B3GNT4: variants seen among roughly 807,000 people sequenced by gnomAD.
B3GNT4 encodes the protein UDP-GlcNAc:betaGal beta-1,3-N-acetylglucosaminyltransferase 4, also known as N-acetyllactosaminide beta-1,3-N-acetylglucosaminyltransferase 4.
Under a neutral mutation model 2.7 loss-of-function variants are expected in B3GNT4, and 2 were observed. The ratio of observed to expected loss-of-function variants is 0.73; its 90% CI spans 0.30 to 2.31. The LOEUF (loss-of-function observed/expected upper bound fraction) is 2.31. Among genes scored for constraint, B3GNT4 ranks in the 30% most tolerant of loss-of-function variants. B3GNT4 has a pLI of 0.12. For missense variants in B3GNT4, 708 were observed against 490.9 expected, an observed-to-expected ratio of 1.44 and a Z score of -4.18; for synonymous variants, 280 against 203.4, an observed-to-expected ratio of 1.38 and a Z score of -3.20.
At position 122,207,846 on chromosome 12, in the gene B3GNT4, TAG is replaced by T. The variant is rs1280925120; in HGVS notation, c.*459_*460del. 2.4e-5 allele frequency: 11 copies of T among 460,552 alleles called. No homozygotes were observed. In the East Asian group the frequency reaches 7.6e-4, roughly 32 times the overall value. The allele number at this position is 460,552 out of a possible 1,614,324, so 28.5% of individuals were successfully genotyped here. A position where few individuals can be genotyped will look rare whatever the true frequency, so the allele number is the denominator to read the frequency against. On this transcript the variant is annotated 3_prime_UTR_variant, in exon 3 of 3. Transcript: ENST00000324189. ...TCTGCACCCCTTCTCTTAGTAGTAA[TAG>T]GTTTTTCACTCCTTGGCCTCAGCTG...
rs914002329 is a variant in B3GNT4 at position 122,208,742 on chromosome 12, T to A, written c.*1354T>A. 12 of 740,728 alleles carry A rather than the reference T, an allele frequency of 1.6e-5. No homozygotes were observed. The highest frequency in any genetic ancestry group is 2.4e-5 in the Non-Finnish European group (10 of 421,650). 45.9% of individuals were successfully genotyped at this position (740,728 alleles called of 1,614,324 possible). ...TGCAAAGAAACTTCCACCTCTATGT[T>A]CAGGTCTGGATTTAACTGACACTCT... On this transcript the variant is annotated 3_prime_UTR_variant, in exon 3 of 3. Coordinates refer to ENST00000324189, the MANE Select transcript of B3GNT4 (RefSeq NM_030765.4).
At position 122,207,896 on chromosome 12, in the gene B3GNT4, G is replaced by C; in HGVS notation, c.*508G>C. On this transcript the variant is annotated 3_prime_UTR_variant, in exon 3 of 3. Coordinates refer to ENST00000324189, the MANE Select transcript of B3GNT4 (RefSeq NM_030765.4). ...CTGTCCTCACAGGACAGTGGGGGCA[G>C]ATCAGAGAACACATCAGAAATACAT... 1 of 460,690 alleles carries C rather than the reference G, an allele frequency of 2.2e-6. No homozygotes were observed. The highest frequency in any genetic ancestry group is 1.5e-5 in the South Asian group (1 of 64,530). The allele number at this position is 460,690 out of a possible 1,614,324, so 28.5% of individuals were successfully genotyped here. A position where few individuals can be genotyped will look rare whatever the true frequency, so the allele number is the denominator to read the frequency against.
intron 2 of B3GNT4, 116 bp from the exon 3 acceptor site, chr12:122,206,202 T>C: frequency 2.5e-6 from 2 of 807,224 alleles, no homozygotes. Flanking sequence ...ACGCTGAGAA[T>C]AAAAAGTCCA....
rs149881946 is a variant in B3GNT4 at position 122,207,207 on chromosome 12, C to G, written c.956C>G (p.Pro319Arg). Reference protein sequence around the residue: ...GMCLRRLGLSPMHHAGFKTFG... With the variant: ...GMCLRRLGLSRMHHAGFKTFG... ...TGCCTGAGGCGGCTGGGGCTGAGCCCTATGCACCATGCTGGCTTCAAGACA... is the reference window on the plus strand; with the variant it reads ...TGCCTGAGGCGGCTGGGGCTGAGCCGTATGCACCATGCTGGCTTCAAGACA... Residue 319 changes from proline to arginine, a missense_variant, in exon 3 of 3, where the codon CCT becomes CGT. Transcript: ENST00000324189. The G allele has an allele frequency of 3.7e-6, 6 of 1,614,082 alleles. No homozygotes were observed. Among genetic ancestry groups the G allele is most frequent in the Non-Finnish European group, 5.1e-6 (6 of 1,180,006 alleles).
rs1231934006 is a variant in B3GNT4 at position 122,208,228 on chromosome 12, A to G, written c.*840A>G. On this transcript the variant is annotated 3_prime_UTR_variant, in exon 3 of 3. Transcript: ENST00000324189. The stretch of plus-strand genomic sequence containing the variant: ...GCGCAAGCCTGAGACCACAGGAGGC[A>G]CTCACAGCTCACAAAGGCGTCTCGC... 33 of 860,584 alleles carry G rather than the reference A, an allele frequency of 3.8e-5. No individual in the cohort carries two copies. Among genetic ancestry groups the G allele is most frequent in the Non-Finnish European group, 4.9e-5 (26 of 531,008 alleles). The allele number at this position is 860,584 out of a possible 1,614,324, so 53.3% of individuals were successfully genotyped here. A position where few individuals can be genotyped will look rare whatever the true frequency, so the allele number is the denominator to read the frequency against.
rs569095788 is a variant in B3GNT4 at position 122,206,743 on chromosome 12, C to T, written c.492C>T (p.Ser164=). Residue 164 remains serine, a synonymous_variant, in exon 3 of 3, where the codon TCC becomes TCT. Transcript: ENST00000324189. ...TGTTCCTCCTAGGGGTGGCAGGATCCGCTCCCCCAGCCCAGCTGCTGGCCT... is the reference window on the plus strand; with the variant it reads ...TGTTCCTCCTAGGGGTGGCAGGATCTGCTCCCCCAGCCCAGCTGCTGGCCT... ...KLVFLLGVAG[S]APPAQLLAYE... is the part of the protein sequence containing the mutation. 9.3e-6 allele frequency: 15 copies of T among 1,605,998 alleles called. No homozygotes were observed. In the East Asian group the frequency reaches 1.8e-4, roughly 19 times the overall value.
chr12:122,204,989 C>T, intron 2 of B3GNT4: 1 of 389,124 alleles, frequency 2.6e-6, no homozygotes, highest in East Asian at 6.1e-5. Context: ...ATAATTGTGC[C>T]ACTGCACTAG....
chr12:122,206,306 C>G lies in B3GNT4; in HGVS notation c.67-12C>G. The G allele has an allele frequency of 6.5e-7, 1 of 1,536,840 alleles. No individual in the cohort carries two copies. Among genetic ancestry groups the G allele is most frequent in the Non-Finnish European group, 8.8e-7 (1 of 1,142,796 alleles). The stretch of plus-strand genomic sequence containing the variant: ...GGGGCTGGGCCCTGCTCAGGTGGCT[C>G]TCTCCTTGCAGGGACCGGCGATGCT... On this transcript the variant is annotated splice_polypyrimidine_tract_variant and intron_variant, in intron 2 of 2. Coordinates refer to ENST00000324189, the MANE Select transcript of B3GNT4 (RefSeq NM_030765.4).
rs1272125345 is a variant in B3GNT4 at position 122,208,432 on chromosome 12, T to G, written c.*1044T>G. ...GCTCCGACTCAGCCCGCTCCTCCCC[T>G]TCCTCCTGTGTTTTCTGACGGAGCT... On this transcript the variant is annotated 3_prime_UTR_variant, in exon 3 of 3. Coordinates refer to ENST00000324189, the MANE Select transcript of B3GNT4 (RefSeq NM_030765.4). The G allele has an allele frequency of 1.2e-6, 2 of 1,613,802 alleles. No individual in the cohort carries two copies. Among genetic ancestry groups the G allele is most frequent in the Non-Finnish European group, 1.7e-6 (2 of 1,180,034 alleles).
chr12:122,207,642 C>A lies in B3GNT4; in HGVS notation c.*254C>A. On this transcript the variant is annotated 3_prime_UTR_variant, in exon 3 of 3. Transcript: ENST00000324189. ...CTGCCTGGGGCGCTGCAGTCTGGGA[C>A]CTCAAGGAAGGAGGCTGCATAGGAC... 1.6e-6 allele frequency: 1 copy of A among 639,856 alleles called. No individual in the cohort carries two copies. Among genetic ancestry groups the A allele is most frequent in the Non-Finnish European group, 2.8e-6 (1 of 352,206 alleles). The allele number at this position is 639,856 out of a possible 1,614,324, so 39.6% of individuals were successfully genotyped here.
At position 122,207,874 on chromosome 12, in the gene B3GNT4, T is replaced by TGAAAAA; in HGVS notation, c.*486_*487insGAAAAA. The TGAAAAA allele has an allele frequency of 2.2e-6, 1 of 460,302 alleles. No homozygotes were observed. Among genetic ancestry groups the TGAAAAA allele is most frequent in the Non-Finnish European group, 4.3e-6 (1 of 231,142 alleles). The allele number at this position is 460,302 out of a possible 1,614,324, so 28.5% of individuals were successfully genotyped here. On this transcript the variant is annotated 3_prime_UTR_variant, in exon 3 of 3. Coordinates refer to ENST00000324189, the MANE Select transcript of B3GNT4 (RefSeq NM_030765.4). ...GTTTTTCACTCCTTGGCCTCAGCTG[T>TGAAAAA]CCTCACAGGACAGTGGGGGCAGATC...
rs774327214 is a variant in B3GNT4 at position 122,207,272 on chromosome 12, C to T, written c.1021C>T (p.Leu341=). 8 of 1,614,002 alleles carry T rather than the reference C, an allele frequency of 5.0e-6. No individual in the cohort carries two copies. Among genetic ancestry groups the T allele is most frequent in the Admixed American group, 1.7e-5 (1 of 59,996 alleles). Residue 341 remains leucine (L), a synonymous_variant, in exon 3 of 3, where the codon CTG becomes TTG. Transcript: ENST00000324189. ...GCCCCTGGACCCCTTAGACCCCTGC[C>T]TGTATAGGGGGCTCCTGCTGGTTCA... ...RRPLDPLDPC[L]YRGLLLVHRL... is the part of the protein sequence containing the mutation.
rs144265607 is a variant in B3GNT4 at position 122,207,053 on chromosome 12, A to G, written c.802A>G (p.Arg268Gly). The G allele has an allele frequency of 5.7e-5, 92 of 1,613,836 alleles. No homozygotes were observed. In the African/African-American group the frequency reaches 1.1e-3, roughly 19 times the overall value. The change falls in exon 3 of 3, where the codon AGG (arginine) becomes GGG (glycine). Residue 268 changes from arginine to glycine, a missense_variant. Arg to Gly is a moderately radical substitution (Grantham distance 125). Transcript: ENST00000324189. The stretch of plus-strand genomic sequence containing the variant: ...ATACTTCATCCCACCCTCAATGTAC[A>G]GGGCCACCCACTACCCACCCTATGC... The part of the protein sequence containing the change: ...VKYFIPPSMY[R>G]ATHYPPYAGG...
rs1953992658 is a variant in B3GNT4, at chr12:122,208,519, C to T, written c.*1131C>T. 6.2e-7 allele frequency: 1 copy of T among 1,613,966 alleles called. No individual in the cohort carries two copies. The highest frequency in any genetic ancestry group is 8.5e-7 in the Non-Finnish European group (1 of 1,180,038). On this transcript the variant is annotated 3_prime_UTR_variant, in exon 3 of 3. Transcript: ENST00000324189. Reference sequence around the variant, plus strand: ...TCCGGGAGAGCTGGTGCACCTCTTCCACCTGCAGTTTCACCAGCTGAATGT... The same window carrying T: ...TCCGGGAGAGCTGGTGCACCTCTTCTACCTGCAGTTTCACCAGCTGAATGT...
Position 122,207,417 on chromosome 12 carries a change from G to A in B3GNT4, c.*29G>A. 1 of 1,506,416 alleles carries A rather than the reference G, an allele frequency of 6.6e-7. No homozygotes were observed. The allele number at this position is 1,506,416 out of a possible 1,614,324, so 93.3% of individuals were successfully genotyped here. A position where few individuals can be genotyped will look rare whatever the true frequency, so the allele number is the denominator to read the frequency against. ...GTGGGTTGGGCAACAGCCTGAGAGT[G>A]GACTCAGTGTTGATTCTCTATCGTG... is the stretch of plus-strand genomic sequence containing the variant. On this transcript the variant is annotated 3_prime_UTR_variant, in exon 3 of 3. Transcript: ENST00000324189.
Position 122,204,607 on chromosome 12 carries a change from C to G in B3GNT4, c.-12C>G. On this transcript the variant is annotated 5_prime_UTR_variant, in exon 2 of 3. Coordinates refer to ENST00000324189, the MANE Select transcript of B3GNT4 (RefSeq NM_030765.4). ...GCATCCTGAGCACGGAGACAGTCTCCAGCTGCCGTTCATGCTTCCTCCCCA... is the reference window on the plus strand; with the variant it reads ...GCATCCTGAGCACGGAGACAGTCTCGAGCTGCCGTTCATGCTTCCTCCCCA... 1 of 1,606,150 alleles carries G rather than the reference C, an allele frequency of 6.2e-7. No homozygotes were observed. The highest frequency in any genetic ancestry group is 8.5e-7 in the Non-Finnish European group (1 of 1,173,514).
chr12:122,204,649 CAGGGA>C lies in B3GNT4; in HGVS notation c.36_40del (p.Gly14Ter). ...TCCTCCCCAGCCTTCCGCAGCCCAC[CAGGGA>C]AGGGGCGGTAGGAGTGGCCTTTTAC... On this transcript the variant is annotated frameshift_variant, in exon 2 of 3. Coordinates refer to ENST00000324189, the MANE Select transcript of B3GNT4 (RefSeq NM_030765.4). LOFTEE classifies it low-confidence loss of function (END_TRUNC). 1 of 1,612,040 alleles carries C rather than the reference CAGGGA, an allele frequency of 6.2e-7. No individual in the cohort carries two copies. The highest frequency in any genetic ancestry group is 8.5e-7 in the Non-Finnish European group (1 of 1,178,184).
At position 122,208,298 on chromosome 12, in the gene B3GNT4, A is replaced by T. The variant is rs562052513; in HGVS notation, c.*910A>T. 45 of 1,524,048 alleles carry T rather than the reference A, an allele frequency of 3.0e-5. No individual in the cohort carries two copies. Among genetic ancestry groups the T allele is most frequent in the Admixed American group, 8.4e-5 (5 of 59,616 alleles). The allele number at this position is 1,524,048 out of a possible 1,614,324, so 94.4% of individuals were successfully genotyped here. A position where few individuals can be genotyped will look rare whatever the true frequency, so the allele number is the denominator to read the frequency against. The stretch of plus-strand genomic sequence containing the variant: ...TCTGCCGCCTCTTCTCGGTGCACAG[A>T]CAGTCATGCCAACCCTGGGCAGGGT... On this transcript the variant is annotated 3_prime_UTR_variant, in exon 3 of 3. Coordinates refer to ENST00000324189, the MANE Select transcript of B3GNT4 (RefSeq NM_030765.4).
chr12:122,204,551 C>G lies in B3GNT4; in HGVS notation c.-68C>G. ...CGGTGCTCGCACACCTGAGACTCATCTCGCTTCGACCCCGCCGCCGCCGCC... is the reference window on the plus strand; with the variant it reads ...CGGTGCTCGCACACCTGAGACTCATGTCGCTTCGACCCCGCCGCCGCCGCC... On this transcript the variant is annotated 5_prime_UTR_variant, in exon 2 of 3. In the 5' UTR this introduces an upstream ATG that the reference lacks. Transcript: ENST00000324189. 2 of 1,373,872 alleles carry G rather than the reference C, an allele frequency of 1.5e-6. No homozygotes were observed. The highest frequency in any genetic ancestry group is 1.2e-5 in the South Asian group (1 of 84,734). The allele number at this position is 1,373,872 out of a possible 1,614,324, so 85.1% of individuals were successfully genotyped here. A position where few individuals can be genotyped will look rare whatever the true frequency, so the allele number is the denominator to read the frequency against.
Sources: allele counts gnomAD v4.1 joint callset, GRCh38; gene constraint gnomAD v4.1.1; transcripts MANE v1.5; gene names NCBI Gene and HGNC (gene_info 2026-07-23, HGNC 2026-07-21).